Variants in ADSL observed in about 807,000 individuals in gnomAD.
ADSL encodes adenylosuccinase.
Under a neutral mutation model 62.1 loss-of-function variants are expected in ADSL, and 44 were observed. The observed-to-expected ratio is 0.71, with a 90% CI of 0.56 to 0.91. ADSL has a LOEUF of 0.91. Ranked by LOEUF, ADSL falls within the 40% of genes least tolerant of loss-of-function variation. The probability of loss-of-function intolerance (pLI) is 0.00; values close to 1 mark genes in which losing one functional copy is unlikely to be tolerated. For missense variants in ADSL, 531 were observed against 627.4 expected (o/e 0.85, Z 1.64); for synonymous variants, 198 against 220.5 (o/e 0.90, Z 0.90).
chr22:40,355,935 C>G (rs1177647055), intron 4 of ADSL, among the ~76,000 whole-genome samples: 2 of 151,442 alleles, frequency 1.3e-5, no homozygotes, highest in Non-Finnish European at 2.9e-5. Flanking sequence ...GCCTGTAATC[C>G]CAGCACTTTG....
chr22:40,348,794 C>G (rs1334738640), intron 1 of ADSL: 21 of 389,290 alleles, frequency 5.4e-5, no homozygotes. Flanking sequence ...TTCCCGGAGT[C>G]ACTGTTTGCA....
intron 2 of ADSL, chr22:40,350,333 A>G (rs2044298619): frequency 8.7e-6 from 3 of 344,436 alleles, no homozygotes; most frequent in Non-Finnish European, 1.6e-5. Flanking sequence ...TCACCATGTT[A>G]GCCAGGATGG....
At chr22:40,372,152 A>G (rs1459866277), downstream of ADSL, among the ~76,000 whole-genome samples, 1 of 86,868 alleles carries the variant, frequency 1.2e-5, no homozygotes, top group African/African-American at 4.6e-5. Flanking sequence ...TTTGAGACGG[A>G]GTCTCGCTCT....
intron 2 of ADSL, among the ~76,000 whole-genome samples, chr22:40,382,737 T>TA (rs1246901087): frequency 6.6e-6 from 1 of 152,234 alleles, no homozygotes; most frequent in Non-Finnish European, 1.5e-5. Flanking sequence ...ATGTGTGAGA[T>TA]ACGTTATATT....
downstream of ADSL, among the ~76,000 whole-genome samples, chr22:40,370,178 A>G (rs1466782652): frequency 1.3e-5 from 2 of 151,876 alleles, no homozygotes; most frequent in African/African-American, 4.8e-5. Flanking sequence ...CGTCTCTACT[A>G]AAAATACTGT....
downstream of ADSL, among the ~76,000 whole-genome samples, chr22:40,372,445 G>A (rs766407178): frequency 2.0e-5 from 3 of 152,136 alleles, no homozygotes; most frequent in Non-Finnish European, 1.5e-5. Flanking sequence ...CTTTTTAAGC[G>A]TGGAGGTGTG....
Position 40,368,122 on chromosome 22 carries a change from T to G in ADSL, c.*1600T>G, listed in dbSNP as rs529861662. 9.8e-5 allele frequency: 15 copies of G among 152,306 alleles called. No homozygotes were observed. The highest frequency in any genetic ancestry group is 1.9e-4 in the Non-Finnish European group (13 of 68,026). 9.4% of individuals were successfully genotyped at this position (152,306 alleles called of 1,614,324 possible). ...TATACAGAAGAAAACTCCTCGGCACTTCAAATATTGCCAGGTGCAGGAAGA... is the reference window on the plus strand; with the variant it reads ...TATACAGAAGAAAACTCCTCGGCACGTCAAATATTGCCAGGTGCAGGAAGA... On this transcript the variant is annotated 3_prime_UTR_variant, in exon 13 of 13. Transcript: ENST00000623063.
intron 2 of ADSL, chr22:40,376,130 A>G (rs2046516530): frequency 6.7e-6 from 1 of 149,386 alleles, no homozygotes; most frequent in Admixed American, 6.7e-5. Flanking sequence ...TCGTTTGTAA[A>G]TATCCTTAAT....
At chr22:40,363,122 G>A (rs1377430160) in intron 10 of ADSL, 51 bp downstream of exon 10, 1 of 1,548,234 alleles carries the variant, frequency 6.5e-7, no homozygotes, top group Non-Finnish European at 8.9e-7. Flanking sequence ...TTAGAATGTG[G>A]GAGGGAGGGT....
intron 10 of ADSL, among the ~76,000 whole-genome samples, chr22:40,363,903 C>T (rs550998296): frequency 4.0e-5 from 6 of 151,884 alleles, no homozygotes; most frequent in Non-Finnish European, 7.4e-5. Flanking sequence ...ACAGTGAAAC[C>T]CTGTCTCTAC....
At chr22:40,349,198 A>G (rs2044253937) in intron 1 of ADSL, among the ~76,000 whole-genome samples, 1 of 152,148 alleles carries the variant, frequency 6.6e-6, no homozygotes, top group Non-Finnish European at 1.5e-5. Flanking sequence ...TAAGTGCTGT[A>G]AATAAAACCA....
chr22:40,364,387 T>C (rs921824428), intron 11 of ADSL, 22 bp downstream of exon 11: 15 of 1,607,402 alleles, frequency 9.3e-6, no homozygotes, highest in African/African-American at 1.3e-5. Flanking sequence ...CTCATGTTCC[T>C]GGATAAGTTG....
chr22:40,363,533 C>T (rs1203414913), intron 10 of ADSL, among the ~76,000 whole-genome samples: 1 of 151,948 alleles, frequency 6.6e-6, no homozygotes, highest in Non-Finnish European at 1.5e-5. Context: ...GTCAGGAGTT[C>T]AAGACTAGCC....
In ADSL at chr22:40,366,673, C is replaced by T. The variant is rs1253986866; in HGVS notation, c.*151C>T. 1 of 662,668 alleles carries T rather than the reference C, an allele frequency of 1.5e-6. No homozygotes were observed. The allele number at this position is 662,668 out of a possible 1,614,324, so 41.0% of individuals were successfully genotyped here. A position where few individuals can be genotyped will look rare whatever the true frequency, so the allele number is the denominator to read the frequency against. The stretch of plus-strand genomic sequence containing the variant: ...GGTGCTTTCCTGTTTCTCAGTCTCA[C>T]ATTTCTCAACAAGGCAAAAACAAAG... On this transcript the variant is annotated 3_prime_UTR_variant, in exon 13 of 13. Coordinates refer to ENST00000623063, the MANE Select transcript of ADSL (RefSeq NM_000026.4).
At chr22:40,362,584 G>C (rs1233805636) in intron 9 of ADSL, among the ~76,000 whole-genome samples, 2 of 152,206 alleles carry the variant, frequency 1.3e-5, no homozygotes, top group African/African-American at 4.8e-5. Flanking sequence ...AGGCAGACTG[G>C]CCAGCCCAGC....
intron 2 of ADSL, among the ~76,000 whole-genome samples, chr22:40,380,060 G>C (rs1190809166): frequency 1.3e-5 from 2 of 152,110 alleles, no homozygotes; most frequent in Non-Finnish European, 2.9e-5. Context: ...TTATGTGTCT[G>C]TCTGGTCAAT....
Position 40,364,931 on chromosome 22 carries a change from A to G in ADSL, c.1243A>G (p.Lys415Glu). The G allele has an allele frequency of 6.2e-7, 1 of 1,614,202 alleles. No individual in the cohort carries two copies. Among genetic ancestry groups the G allele is most frequent in the Non-Finnish European group, 8.5e-7 (1 of 1,180,034 alleles). The change falls in exon 12 of 13, where the codon AAG (lysine) becomes GAG (glutamate). Residue 415 changes from lysine (K) to glutamate (E), a missense_variant. Lys to Glu is a moderately conservative substitution (Grantham distance 56). This residue lies in a region of ADSL where 471 missense variants were observed against 592.9 expected (regional missense o/e 0.79). Transcript: ENST00000623063. ...TTCTCAGCAGGCAGCTTCTGTGGTT[A>G]AGCAGGAAGGGGGTGACAATGACCT... ...VLSQQAASVV[K>E]QEGGDNDLIE...
rs2045017457 is a variant in ADSL at position 40,366,623 on chromosome 22, T to G, written c.*101T>G. On this transcript the variant is annotated 3_prime_UTR_variant, in exon 13 of 13. Coordinates refer to ENST00000623063, the MANE Select transcript of ADSL (RefSeq NM_000026.4). ...TACCTCGAGAATTGTTACCTTAAAT[T>G]AGTACAGCACTTTCTTCTTCCCATG... The G allele has an allele frequency of 1.2e-6, 1 of 846,054 alleles. No individual in the cohort carries two copies. The highest frequency in any genetic ancestry group is 1.7e-5 in the African/African-American group (1 of 59,446). 52.4% of individuals were successfully genotyped at this position (846,054 alleles called of 1,614,324 possible).
At chr22:40,357,749 T>G (rs962689341) in intron 4 of ADSL, among the ~76,000 whole-genome samples, 4 of 152,226 alleles carry the variant, frequency 2.6e-5, no homozygotes, top group African/African-American at 4.8e-5. Context: ...TTTTAGCACT[T>G]AAAATCTCAA....
Sources: gnomAD v4.1 joint callset for allele counts (sites outside exome capture counted in the v4.1 genomes callset) on GRCh38, gnomAD v4.1.1 for gene constraint, gnomAD v4.1.1 regional missense constraint, MANE v1.5 for transcripts, NCBI Gene and HGNC (gene_info 2026-07-23, HGNC 2026-07-21) for gene names.